TAF1A: variants seen among roughly 807,000 people sequenced by gnomAD.
The protein encoded by TAF1A is TATA box-binding protein-associated factor RNA polymerase I subunit A.
In TAF1A, 42 loss-of-function variants were observed where a neutral mutation model predicts 61.6. The observed-to-expected ratio is 0.68, with a 90% CI of 0.53 to 0.88. The LOEUF is 0.88. Among genes scored for constraint, TAF1A ranks in the 40% least tolerant of loss-of-function variants. The probability of loss-of-function intolerance (pLI) is 0.00; values close to 1 mark genes in which losing one functional copy is unlikely to be tolerated. For synonymous variants in TAF1A, 179 were observed against 177.7 expected (o/e 1.01, Z -0.06); for missense variants, 424 against 518.7 (o/e 0.82, Z 1.77).
intron 5 of TAF1A, among the ~76,000 whole-genome samples, chr1:222,572,662 A>G (rs538911505): frequency 6.6e-6 from 1 of 152,168 alleles, no homozygotes; most frequent in East Asian, 1.9e-4. Flanking sequence ...CCCGGCTGCT[A>G]ACTAATTTTC....
At chr1:222,584,045 T>C in intron 3 of TAF1A, 83 bp downstream of exon 3, 1 of 1,476,810 alleles carries the variant, frequency 6.8e-7, no homozygotes. Flanking sequence ...ACTGAGATTC[T>C]GTAAAAGCTA....
At chr1:222,576,083 C>T (rs1234345478) in intron 5 of TAF1A, among the ~76,000 whole-genome samples, 1 of 152,048 alleles carries the variant, frequency 6.6e-6, no homozygotes, top group Non-Finnish European at 1.5e-5. Context: ...TAATAAAATA[C>T]ACATGAAAAA....
intron 3 of TAF1A, among the ~76,000 whole-genome samples, chr1:222,580,229 C>T (rs556275276): frequency 2.6e-5 from 4 of 152,070 alleles, no homozygotes; most frequent in African/African-American, 9.7e-5. Context: ...ATATTGGCTT[C>T]TTCATTGGTC....
At chr1:222,573,884 A>G (rs1660459541) in intron 5 of TAF1A, among the ~76,000 whole-genome samples, 1 of 152,252 alleles carries the variant, frequency 6.6e-6, no homozygotes, top group Non-Finnish European at 1.5e-5. Flanking sequence ...CCTAAGATAT[A>G]GTATATACAA....
Position 222,558,751 on chromosome 1 carries a change from A to T in TAF1A, c.1262T>A (p.Ile421Asn), listed in dbSNP as rs1659798999. 1.3e-6 allele frequency: 2 copies of T among 1,539,048 alleles called. No individual in the cohort carries two copies. Among genetic ancestry groups the T allele is most frequent in the African/African-American group, 1.4e-5 (1 of 73,060 alleles). The change falls in exon 11 of 11, where the codon ATT (isoleucine) becomes AAT (asparagine). Residue 421 changes from isoleucine (I) to asparagine (N), a missense_variant. By Grantham distance (149) the Ile-to-Asn change is moderately radical. Coordinates refer to ENST00000352967, the MANE Select transcript of TAF1A (RefSeq NM_005681.4). ...TAAGATTTGGTGATCTTGCTTTAAA[A>T]TATACCGGAAATATCTACAACCTAA... ...LGKGCRYFRY[I>N]LKQDHQILGK...
downstream of TAF1A, among the ~76,000 whole-genome samples, chr1:222,556,398 G>A (rs1659726430): frequency 2.0e-5 from 3 of 152,172 alleles, no homozygotes; most frequent in African/African-American, 7.2e-5. Context: ...GCACTGGGAG[G>A]CCATACAGAT....
intron 4 of TAF1A, among the ~76,000 whole-genome samples, chr1:222,578,876 A>T (rs969597004): frequency 2.6e-5 from 4 of 152,174 alleles, no homozygotes; most frequent in Non-Finnish European, 4.4e-5. Flanking sequence ...TATCTATCCT[A>T]ATTATCACTC....
At chr1:222,555,539 T>C (rs1004228727), downstream of TAF1A, among the ~76,000 whole-genome samples, 2 of 152,166 alleles carry the variant, frequency 1.3e-5, no homozygotes, top group East Asian at 1.9e-4. Flanking sequence ...GGTAAGATGG[T>C]TGCCAGGGGC....
chr1:222,557,892 T>C (rs1016238709), downstream of TAF1A: 1 of 151,308 alleles, frequency 6.6e-6, no homozygotes. Context: ...TTTTTTTTTT[T>C]TTTTTTTTTG....
Position 222,589,828 on chromosome 1 carries a change from G to T in TAF1A, c.-104C>A. On this transcript the variant is annotated 5_prime_UTR_variant, in exon 1 of 11. Transcript: ENST00000352967. ...AAGACGAGTTAGGAGAGCTTTATAT[G>T]AGCAGGCGCTAAACCTGGTTTAGGT... 2.6e-6 allele frequency: 1 copy of T among 380,030 alleles called. No homozygotes were observed. Among genetic ancestry groups the T allele is most frequent in the East Asian group, 3.8e-5 (1 of 26,414 alleles). The allele number at this position is 380,030 out of a possible 1,614,324, so 23.5% of individuals were successfully genotyped here. A position where few individuals can be genotyped will look rare whatever the true frequency, so the allele number is the denominator to read the frequency against.
chr1:222,576,477 A>C (rs780931153), intron 5 of TAF1A, among the ~76,000 whole-genome samples: 48 of 152,214 alleles, frequency 3.2e-4, no homozygotes, highest in Non-Finnish European at 4.9e-4. Flanking sequence ...AGATTAGGTT[A>C]ATCTCGAGGA....
intron 2 of TAF1A, among the ~76,000 whole-genome samples, chr1:222,585,906 T>C (rs1306993936): frequency 6.6e-6 from 1 of 152,200 alleles, no homozygotes; most frequent in Non-Finnish European, 1.5e-5. Context: ...TATAGTCATT[T>C]AAAAATACCA....
In TAF1A at chr1:222,589,828, G is replaced by GTA; in HGVS notation, c.-105_-104insTA. The GTA allele has an allele frequency of 2.6e-6, 1 of 379,912 alleles. No homozygotes were observed. The highest frequency in any genetic ancestry group is 3.8e-5 in the East Asian group (1 of 26,426). The allele number at this position is 379,912 out of a possible 1,614,324, so 23.5% of individuals were successfully genotyped here. A position where few individuals can be genotyped will look rare whatever the true frequency, so the allele number is the denominator to read the frequency against. On this transcript the variant is annotated 5_prime_UTR_variant, in exon 1 of 11. Coordinates refer to ENST00000352967, the MANE Select transcript of TAF1A (RefSeq NM_005681.4). ...AAGACGAGTTAGGAGAGCTTTATATGAGCAGGCGCTAAACCTGGTTTAGGT... is the reference window on the plus strand; with the variant it reads ...AAGACGAGTTAGGAGAGCTTTATATGTAAGCAGGCGCTAAACCTGGTTTAGGT...
chr1:222,575,982 T>C (rs1315099229), intron 5 of TAF1A, among the ~76,000 whole-genome samples: 1 of 152,202 alleles, frequency 6.6e-6, no homozygotes, highest in Non-Finnish European at 1.5e-5. Flanking sequence ...GAAAAAGAAC[T>C]ATTACACCAG....
In TAF1A at chr1:222,561,412, C is replaced by T. The variant is rs757684660; in HGVS notation, c.1192G>A (p.Ala398Thr). 1 of 1,612,340 alleles carries T rather than the reference C, an allele frequency of 6.2e-7. No individual in the cohort carries two copies. Among genetic ancestry groups the T allele is most frequent in the South Asian group, 1.1e-5 (1 of 90,614 alleles). The stretch of plus-strand genomic sequence containing the variant: ...ACAAAAGCTTTCTCACAGGCCAAAG[C>T]TGTATCTTCCTTCCAATCACTTTTT... ...WAKSDWKEDT[A>T]LACEKAFVAG... The change falls in exon 10 of 11, where the codon GCT becomes ACT. Residue 398 changes from alanine to threonine, a missense_variant. Transcript: ENST00000352967.
At chr1:222,565,343 A>G (rs1192768592) in intron 7 of TAF1A, among the ~76,000 whole-genome samples, 1 of 152,172 alleles carries the variant, frequency 6.6e-6, no homozygotes, top group Non-Finnish European at 1.5e-5. Flanking sequence ...CAGTTCATTA[A>G]TCCTCTCTTT....
At chr1:222,556,331 C>T (rs73122816), downstream of TAF1A, among the ~76,000 whole-genome samples, 18,916 of 152,098 alleles carry the variant, frequency 0.12, 1,320 homozygotes, top group Middle Eastern at 0.2. Context: ...GTTCTTTTTG[C>T]TGCTTTGTCT....
chr1:222,555,120 C>A (rs564523725), downstream of TAF1A, among the ~76,000 whole-genome samples: 1 of 152,080 alleles, frequency 6.6e-6, no homozygotes, highest in Non-Finnish European at 1.5e-5. Flanking sequence ...TAGAATGAAT[C>A]GTATCAAAGG....
At chr1:222,564,443 G>T (rs952851763) in intron 7 of TAF1A, among the ~76,000 whole-genome samples, 1 of 150,926 alleles carries the variant, frequency 6.6e-6, no homozygotes, top group Non-Finnish European at 1.5e-5. Context: ...AACTAAAAAC[G>T]ATTTCTTTCA....
Sources: gnomAD v4.1 joint callset for allele counts (sites outside exome capture counted in the v4.1 genomes callset) on GRCh38, gnomAD v4.1.1 for gene constraint, MANE v1.5 for transcripts, NCBI Gene and HGNC (gene_info 2026-07-23, HGNC 2026-07-21) for gene names.